GALNTL6: variants seen among roughly 807,000 people sequenced by gnomAD.
GALNTL6 encodes the protein polypeptide N-acetylgalactosaminyltransferase like 6, also known as polypeptide N-acetylgalactosaminyltransferase-like 6.
GALNTL6 carries 46 observed loss-of-function variants against 73.7 expected under a neutral mutation model. That is an observed-to-expected ratio of 0.62 (90% confidence interval 0.49 to 0.80). The LOEUF is 0.80. GALNTL6 is among the 30% of genes least tolerant of loss of function. The pLI is 0.00. For missense variants in GALNTL6, 604 were observed against 755.0 expected (o/e 0.80, Z 2.34); for synonymous variants, 259 against 263.7 (o/e 0.98, Z 0.17).
At chr4:172,075,298 C>G (rs952861004) in intron 2 of GALNTL6, among the ~76,000 whole-genome samples, 26 of 152,040 alleles carry the variant, frequency 1.7e-4, no homozygotes, top group African/African-American at 6.3e-4. Flanking sequence ...TTTTTTCTTA[C>G]AAACACATTT....
chr4:172,017,077 T>C (rs1741219414), intron 2 of GALNTL6, among the ~76,000 whole-genome samples: 1 of 152,154 alleles, frequency 6.6e-6, no homozygotes, highest in Admixed American at 6.6e-5. Context: ...GGGGAGTTAT[T>C]CCTGAGTAGG....
chr4:172,615,209 A>G (rs1416697635), intron 5 of GALNTL6, among the ~76,000 whole-genome samples: 2 of 150,958 alleles, frequency 1.3e-5, no homozygotes, highest in Non-Finnish European at 2.9e-5. Context: ...AAAAAAGACT[A>G]GTCTAATATC....
chr4:171,986,249 G>T (rs1158865496), intron 2 of GALNTL6, among the ~76,000 whole-genome samples: 1 of 151,592 alleles, frequency 6.6e-6, no homozygotes, highest in African/African-American at 2.4e-5. Context: ...TAGGATTTGG[G>T]TAGATAAAGG....
At chr4:172,202,532 G>A (rs1579248815) in intron 2 of GALNTL6, among the ~76,000 whole-genome samples, 1 of 152,156 alleles carries the variant, frequency 6.6e-6, no homozygotes, top group African/African-American at 2.4e-5. Flanking sequence ...CATATAGGTA[G>A]ATGAGATGGA....
chr4:172,382,947 C>T lies in GALNTL6; in HGVS notation c.553+34258C>T, dbSNP rs186388140. ...TTTGGAATTCAAATCTAAAATCAAA[C>T]GATCATAAATGTAAGCTATATTTCT... On this transcript the variant is annotated intron_variant, in intron 5 of 12. Transcript: ENST00000506823. Among the ~76,000 whole-genome samples the T allele has an allele frequency of 1.2e-4, 18 of 152,142 alleles. No individual in the cohort carries two copies. The East Asian group carries it at 2.7e-3, about 23-fold the overall frequency.
At chr4:172,947,034 G>C (rs1227348942) in intron 9 of GALNTL6, among the ~76,000 whole-genome samples, 1 of 152,098 alleles carries the variant, frequency 6.6e-6, no homozygotes. Flanking sequence ...ATGGCAGGAA[G>C]CTAAAAGACA....
intron 5 of GALNTL6, among the ~76,000 whole-genome samples, chr4:172,683,413 A>G (rs949800236): frequency 1.3e-5 from 2 of 152,222 alleles, no homozygotes; most frequent in Non-Finnish European, 2.9e-5. Flanking sequence ...CACTGGAAAT[A>G]TATGCATCCA....
At chr4:172,953,640 G>A (rs1176013493) in intron 10 of GALNTL6, among the ~76,000 whole-genome samples, 1 of 152,194 alleles carries the variant, frequency 6.6e-6, no homozygotes, top group Non-Finnish European at 1.5e-5. Flanking sequence ...AGTCACAGGT[G>A]CACTGCTTGT....
chr4:172,841,928 A>G (rs1743236446), intron 7 of GALNTL6, among the ~76,000 whole-genome samples: 1 of 152,180 alleles, frequency 6.6e-6, no homozygotes, highest in Non-Finnish European at 1.5e-5. Flanking sequence ...GGTCTTTTAG[A>G]TAATAACAGC....
intron 5 of GALNTL6, among the ~76,000 whole-genome samples, chr4:172,437,727 A>G (rs1731684767): frequency 6.6e-6 from 1 of 152,130 alleles, no homozygotes; most frequent in Non-Finnish European, 1.5e-5. Flanking sequence ...TAATCCAGGA[A>G]GTCACACAGA....
At chr4:172,464,165 C>T (rs1321950252) in intron 5 of GALNTL6, among the ~76,000 whole-genome samples, 1 of 151,986 alleles carries the variant, frequency 6.6e-6, no homozygotes, top group Non-Finnish European at 1.5e-5. Context: ...TCTCCCAAAG[C>T]GTTAGGATTA....
intron 2 of GALNTL6, among the ~76,000 whole-genome samples, chr4:172,121,749 C>T (rs1733156329): frequency 6.6e-6 from 1 of 152,084 alleles, no homozygotes; most frequent in Admixed American, 6.6e-5. Context: ...TGATTATCAT[C>T]TCAAAGTGCT....
At chr4:172,917,058 C>A (rs964439417) in intron 8 of GALNTL6, among the ~76,000 whole-genome samples, 8 of 152,122 alleles carry the variant, frequency 5.3e-5, no homozygotes, top group African/African-American at 1.9e-4. Flanking sequence ...AGATATAGAC[C>A]AATGGAATGG....
intron 2 of GALNTL6, among the ~76,000 whole-genome samples, chr4:171,864,083 C>T (rs1006629856): frequency 4.6e-5 from 7 of 152,126 alleles, no homozygotes; most frequent in Non-Finnish European, 8.8e-5. Flanking sequence ...AATACCACTT[C>T]TAAAGTATGT....
At chr4:172,609,625 CTG>C (rs35490374) in intron 5 of GALNTL6, among the ~76,000 whole-genome samples, 87 of 92,774 alleles carry the variant, frequency 9.4e-4, no homozygotes, top group East Asian at 1.6e-3. Context: ...CTCTCTCTCT[CTG>C]TGTGTGTGTG....
intron 5 of GALNTL6, among the ~76,000 whole-genome samples, chr4:172,483,319 G>A (rs338032): frequency 1 from 152,150 of 152,292 alleles, 76,004 homozygotes; most frequent in Non-Finnish European, 1. Context: ...AATTTTGTGA[G>A]TGCAGTAGGT....
intron 5 of GALNTL6, among the ~76,000 whole-genome samples, chr4:172,615,725 T>C (rs937381813): frequency 2.8e-4 from 42 of 152,304 alleles, no homozygotes; most frequent in Non-Finnish European, 8.8e-5. Context: ...AAATACAGTA[T>C]ATAACAACTC....
chr4:172,145,419 C>T (rs906647365), intron 2 of GALNTL6, among the ~76,000 whole-genome samples: 40 of 152,158 alleles, frequency 2.6e-4, no homozygotes, highest in Middle Eastern at 6.8e-3. Flanking sequence ...GGATTATAGG[C>T]GTGTATTATT....
At chr4:171,859,259 T>G (rs1223935913) in intron 2 of GALNTL6, among the ~76,000 whole-genome samples, 1 of 152,196 alleles carries the variant, frequency 6.6e-6, no homozygotes, top group Non-Finnish European at 1.5e-5. Flanking sequence ...TATACAGTGG[T>G]TATCCAGGCA....
Sources: allele counts gnomAD v4.1 joint callset (sites outside exome capture counted in the v4.1 genomes callset), GRCh38; gene constraint gnomAD v4.1.1; transcripts MANE v1.5; gene names NCBI Gene and HGNC (gene_info 2026-07-23, HGNC 2026-07-21).